The following SLC13A3 variants were observed in gnomAD, a reference collection of about 807,000 sequenced individuals.
SLC13A3 encodes Na(+)/dicarboxylate cotransporter 3.
SLC13A3 carries 40 observed loss-of-function variants against 59.0 expected under a neutral mutation model. The observed-to-expected ratio is 0.68, with a 90% CI of 0.53 to 0.88. The LOEUF is 0.88. SLC13A3 is among the 40% of genes least tolerant of loss of function. SLC13A3 has a pLI of 0.00. For missense variants in SLC13A3, 699 were observed against 783.2 expected (o/e 0.89, Z 1.28); for synonymous variants, 317 against 330.3 (o/e 0.96, Z 0.44).
chr20:46,594,960 T>C (rs1306491498), intron 5 of SLC13A3, among the ~76,000 whole-genome samples: 1 of 152,186 alleles, frequency 6.6e-6, no homozygotes, highest in Non-Finnish European at 1.5e-5. Flanking sequence ...GTTGCACACA[T>C]AGCAAACCTC....
intron 12 of SLC13A3, among the ~76,000 whole-genome samples, chr20:46,562,350 C>T (rs1195114796): frequency 6.6e-6 from 1 of 152,184 alleles, no homozygotes; most frequent in African/African-American, 2.4e-5. Context: ...TTCTGGAGCA[C>T]TCGCTGCTAT....
intron 2 of SLC13A3, among the ~76,000 whole-genome samples, chr20:46,611,711 A>G (rs1488476984): frequency 6.6e-6 from 1 of 152,182 alleles, no homozygotes; most frequent in Non-Finnish European, 1.5e-5. Flanking sequence ...GGGACACTCT[A>G]AATGGCCTTC....
rs1164172402 is a variant in SLC13A3 at position 46,585,746 on chromosome 20, G to GA, written c.1122-2078dup. 8 of 1,292,566 alleles carry GA rather than the reference G, an allele frequency of 6.2e-6. No homozygotes were observed. In the East Asian group the frequency reaches 2.8e-4, roughly 46 times the overall value. 80.1% of individuals were successfully genotyped at this position (1,292,566 alleles called of 1,614,324 possible). On this transcript the variant is annotated intron_variant, in intron 8 of 12. Coordinates refer to ENST00000279027, the MANE Select transcript of SLC13A3 (RefSeq NM_022829.6). ...TGCTTATAATGCCCATTTTGCATCT[G>GA]AAAAAAATAAAGCATCTACATTTTA...
intron 7 of SLC13A3, 120 bp downstream of exon 7, chr20:46,589,040 G>T: frequency 1.2e-6 from 1 of 825,842 alleles, no homozygotes; most frequent in Non-Finnish European, 2.0e-6. Flanking sequence ...AGGCTCCCAC[G>T]CCACGGGTCC....
intron 5 of SLC13A3, among the ~76,000 whole-genome samples, chr20:46,593,879 TA>T (rs1346485613): frequency 2.6e-5 from 4 of 152,212 alleles, no homozygotes; most frequent in African/African-American, 9.6e-5. Flanking sequence ...GAAAGTCTGT[TA>T]AAATATCGAC....
chr20:46,577,595 G>A (rs911633248), intron 9 of SLC13A3, among the ~76,000 whole-genome samples: 6 of 152,224 alleles, frequency 3.9e-5, no homozygotes, highest in African/African-American at 9.7e-5. Flanking sequence ...TGGCGAGTGC[G>A]TATCAGACTG....
intron 1 of SLC13A3, among the ~76,000 whole-genome samples, chr20:46,659,984 A>C (rs2063019377): frequency 6.6e-6 from 1 of 152,196 alleles, no homozygotes; most frequent in African/African-American, 2.4e-5. Flanking sequence ...TTACACCATG[A>C]AATTAATAAA....
At chr20:46,656,332 C>CTA (rs1281339036), upstream of SLC13A3, among the ~76,000 whole-genome samples, 1 of 114,152 alleles carries the variant, frequency 8.8e-6, no homozygotes, top group African/African-American at 3.1e-5. Context: ...ATATGATATA[C>CTA]TATACAGTAT....
At position 46,613,648 on chromosome 20, in the gene SLC13A3, C is replaced by T. The variant is rs756995738; in HGVS notation, c.189G>A (p.Ala63=). 1.6e-5 allele frequency: 25 copies of T among 1,611,890 alleles called. No homozygotes were observed. Among genetic ancestry groups the T allele is most frequent in the African/African-American group, 5.3e-5 (4 of 74,908 alleles). ...CTEALPLSVT[A]LLPIVLFPFM... is the part of the protein sequence containing the mutation. ...AGGGGAAGAGGACGATGGGCAGCAG[C>T]GCCGTCACTGAGAGCGGCAGGGCCT... The change falls in exon 2 of 13, where the codon GCG becomes GCA. Residue 63 remains alanine (A), a synonymous_variant. Coordinates refer to ENST00000279027, the MANE Select transcript of SLC13A3 (RefSeq NM_022829.6).
chr20:46,649,086 G>A (rs1350915394), intron 1 of SLC13A3, among the ~76,000 whole-genome samples: 1 of 152,120 alleles, frequency 6.6e-6, no homozygotes, highest in East Asian at 1.9e-4. Flanking sequence ...AATAACAGCT[G>A]CCTCTCTGGT....
At chr20:46,645,580 G>A (rs1488258150) in intron 1 of SLC13A3, among the ~76,000 whole-genome samples, 1 of 152,196 alleles carries the variant, frequency 6.6e-6, no homozygotes, top group Non-Finnish European at 1.5e-5. Context: ...AAGACTTTGG[G>A]TGGAACAATG....
chr20:46,630,097 A>G (rs943566541), intron 1 of SLC13A3, among the ~76,000 whole-genome samples: 2 of 152,208 alleles, frequency 1.3e-5, no homozygotes, highest in African/African-American at 2.4e-5. Context: ...TCTCATCAAC[A>G]TGGACCCAGA....
In SLC13A3 at chr20:46,651,329, G is replaced by T; in HGVS notation, c.93C>A (p.Val31=). 1 of 1,514,416 alleles carries T rather than the reference G, an allele frequency of 6.6e-7. No individual in the cohort carries two copies. The highest frequency in any genetic ancestry group is 8.8e-7 in the Non-Finnish European group (1 of 1,132,942). The allele number at this position is 1,514,416 out of a possible 1,614,324, so 93.8% of individuals were successfully genotyped here. The change falls in exon 1 of 13, where the codon GTC becomes GTA. Residue 31 remains valine, a synonymous_variant. Transcript: ENST00000279027. Reference sequence around the variant, plus strand: ...GCGTTACCTTGGGCGGGAGGGCGAAGACCACCGGCAGCAGCGCGAGCGGCG... The same window carrying T: ...GCGTTACCTTGGGCGGGAGGGCGAATACCACCGGCAGCAGCGCGAGCGGCG... The part of the protein sequence containing the change: ...LFTPLALLPV[V]FALPPKEGRC...
At chr20:46,651,477 C>T, upstream of SLC13A3, 3 of 1,362,450 alleles carry the variant, frequency 2.2e-6, no homozygotes, top group South Asian at 3.5e-5. Flanking sequence ...CTGGCCCCGG[C>T]GCCGGCTTAA....
intron 9 of SLC13A3, among the ~76,000 whole-genome samples, chr20:46,581,245 A>C (rs1407252760): frequency 2.0e-5 from 3 of 152,216 alleles, no homozygotes; most frequent in Non-Finnish European, 4.4e-5. Flanking sequence ...AGCTGAGAGA[A>C]AGCCCTGGGC....
In SLC13A3 at chr20:46,563,545, G is replaced by C. The variant is rs760627245; in HGVS notation, c.1501C>G (p.Arg501Gly). 1.2e-6 allele frequency: 2 copies of C among 1,613,460 alleles called. No homozygotes were observed. The highest frequency in any genetic ancestry group is 2.2e-5 in the East Asian group (1 of 44,850). The change falls in exon 12 of 13, where the codon CGC (arginine) becomes GGC (glycine). Residue 501 changes from arginine to glycine, a missense_variant. By Grantham distance (125) the Arg-to-Gly change is moderately radical (BLOSUM62 -2). Transcript: ENST00000279027. Reference sequence around the variant, plus strand: ...AGATACAGGGGGTGCACTCTCAGGCGGATGGCCTGGGCCAGGAAAAGGTGG... The same window carrying C: ...AGATACAGGGGGTGCACTCTCAGGCCGATGGCCTGGGCCAGGAAAAGGTGG... Reference protein sequence around the residue: ...FLPVLAELAIRLRVHPLYLMI... With the variant: ...FLPVLAELAIGLRVHPLYLMI...
intron 1 of SLC13A3, among the ~76,000 whole-genome samples, chr20:46,626,426 A>C (rs1389058034): frequency 6.6e-6 from 1 of 152,112 alleles, no homozygotes; most frequent in Non-Finnish European, 1.5e-5. Context: ...CTCCAGATAC[A>C]GCACATGTCA....
intron 3 of SLC13A3, among the ~76,000 whole-genome samples, chr20:46,602,266 T>C (rs931911564): frequency 3.3e-5 from 5 of 151,632 alleles, no homozygotes; most frequent in Non-Finnish European, 7.4e-5. Flanking sequence ...AGCCCAGGAG[T>C]TGGAGGCTGC....
chr20:46,563,632 G>GAGAGAGAGACAC, intron 11 of SLC13A3, 81 bp from the exon 12 acceptor site: 1 of 1,455,548 alleles, frequency 6.9e-7, no homozygotes, highest in Non-Finnish European at 9.3e-7. Context: ...GAGAGAGAGA[G>GAGAGAGAGACAC]GCAGTTGGAA....
Sources: gnomAD v4.1 joint callset for allele counts (sites outside exome capture counted in the v4.1 genomes callset) on GRCh38, gnomAD v4.1.1 for gene constraint, MANE v1.5 for transcripts, NCBI Gene and HGNC (gene_info 2026-07-23, HGNC 2026-07-21) for gene names.